Variants in PPP6R3 observed in about 807,000 individuals in gnomAD.
The protein encoded by PPP6R3 is protein phosphatase 6 regulatory subunit 3.
In PPP6R3, 38 loss-of-function variants were observed where a neutral mutation model predicts 110.7. That is an observed-to-expected ratio of 0.34 (90% CI 0.26 to 0.45). The LOEUF is 0.45. Ranked by LOEUF, PPP6R3 falls within the 20% of genes least tolerant of loss-of-function variation. The probability of loss-of-function intolerance (pLI) is 1.00; values close to 1 mark genes in which losing one functional copy is unlikely to be tolerated. For synonymous variants in PPP6R3, 369 were observed against 373.5 expected, an observed-to-expected ratio of 0.99 and a Z score of 0.14; for missense variants, 870 against 1,062.4, an observed-to-expected ratio of 0.82 and a Z score of 2.52.
chr11:68,514,481 T>C (rs2099126218), intron 1 of PPP6R3, among the ~76,000 whole-genome samples: 2 of 152,246 alleles, frequency 1.3e-5, no homozygotes, highest in Admixed American at 6.5e-5. Context: ...ACTTGAATTA[T>C]ACCTTGTATC....
intron 22 of PPP6R3, chr11:68,609,463 C>T (rs1362065474): frequency 1.1e-6 from 1 of 931,560 alleles, no homozygotes; most frequent in South Asian, 1.4e-5. Flanking sequence ...AGACTCATTC[C>T]TTCAAACAGG....
chr11:68,474,717 A>G (rs1232692294), intron 1 of PPP6R3, among the ~76,000 whole-genome samples: 3 of 152,072 alleles, frequency 2.0e-5, no homozygotes, highest in African/African-American at 4.8e-5. Context: ...TTTTTAAATT[A>G]CTTATTTGGA....
chr11:68,574,280 A>T, intron 13 of PPP6R3, 56 bp downstream of exon 13: 2 of 1,384,366 alleles, frequency 1.4e-6, no homozygotes, highest in Admixed American at 3.5e-5. Context: ...GAAGGATTTA[A>T]GGGTCAAGTA....
At position 68,576,057 on chromosome 11, in the gene PPP6R3, G is replaced by A. The variant is rs1421423669; in HGVS notation, c.1545+14G>A. ...ACGGTAGATCTAGTAGGTTTTACAA[G>A]GTTACATTTTTATTCTTTCAGTGCT... On this transcript the variant is annotated intron_variant, in intron 14 of 23. Transcript: ENST00000393800. 5 of 1,563,696 alleles carry A rather than the reference G, an allele frequency of 3.2e-6. No homozygotes were observed. Among genetic ancestry groups the A allele is most frequent in the Non-Finnish European group, 4.4e-6 (5 of 1,140,660 alleles).
Position 68,477,728 on chromosome 11 carries a change from TAAAAAA to T in PPP6R3, c.-158+16910_-158+16915del, listed in dbSNP as rs1181714569. Reference sequence around the variant, plus strand: ...AGAGACAGAGAGAGACATTGTCTCTTAAAAAAAAAAAAAATATATATATATATATAT... The same window carrying T: ...AGAGACAGAGAGAGACATTGTCTCTTAAAAAAAATATATATATATATATAT... On this transcript the variant is annotated intron_variant, in intron 1 of 23. Coordinates refer to ENST00000393800, the MANE Select transcript of PPP6R3 (RefSeq NM_001164161.2). 1.6e-4 allele frequency among the ~76,000 whole-genome samples: 12 copies of T among 77,410 alleles called. No individual in the cohort carries two copies. The South Asian group carries it at 4.1e-3, about 27-fold the overall frequency. The allele number at this position is 77,410 out of a possible 152,430, so 50.8% of individuals were successfully genotyped here.
intron 1 of PPP6R3, among the ~76,000 whole-genome samples, chr11:68,505,793 C>T (rs996153061): frequency 1.3e-5 from 2 of 152,098 alleles, no homozygotes; most frequent in African/African-American, 2.4e-5. Context: ...ACAGCTCAGC[C>T]GTAGAGTGTT....
At chr11:68,508,555 G>C (rs185942998) in intron 1 of PPP6R3, among the ~76,000 whole-genome samples, 1 of 152,106 alleles carries the variant, frequency 6.6e-6, no homozygotes, top group Non-Finnish European at 1.5e-5. Context: ...CAGTGCCAGC[G>C]CAAAAGGTTT....
chr11:68,551,515 A>T (rs1186967049), intron 6 of PPP6R3, among the ~76,000 whole-genome samples: 1 of 151,756 alleles, frequency 6.6e-6, no homozygotes, highest in African/African-American at 2.4e-5. Context: ...TTTGAGACGG[A>T]GTCTCCCTCT....
intron 2 of PPP6R3, among the ~76,000 whole-genome samples, chr11:68,522,061 T>C (rs1270511886): frequency 6.6e-6 from 1 of 152,252 alleles, no homozygotes; most frequent in Non-Finnish European, 1.5e-5. Context: ...TTGAGTATAT[T>C]CATTATTTGG....
rs140815733 is a variant in PPP6R3 at position 68,549,039 on chromosome 11, C to T, written c.552+835C>T. Among the ~76,000 whole-genome samples, 9 of 152,184 alleles carry T rather than the reference C, an allele frequency of 5.9e-5. No individual in the cohort carries two copies. The East Asian group carries it at 9.7e-4, about 16-fold the overall frequency. On this transcript the variant is annotated intron_variant, in intron 5 of 23. Coordinates refer to ENST00000393800, the MANE Select transcript of PPP6R3 (RefSeq NM_001164161.2). The stretch of plus-strand genomic sequence containing the variant: ...CTGAGTAGCTGGGATTATAGGTGTC[C>T]GCCACCACACCTGGCTAATTTTTGT...
chr11:68,480,093 C>G (rs562086965), intron 1 of PPP6R3, among the ~76,000 whole-genome samples: 17 of 151,840 alleles, frequency 1.1e-4, no homozygotes, highest in Admixed American at 5.9e-4. Flanking sequence ...TATTTCTCAC[C>G]TGCTTTTTCA....
intron 1 of PPP6R3, among the ~76,000 whole-genome samples, chr11:68,469,723 C>T (rs1255763005): frequency 6.6e-6 from 1 of 151,970 alleles, no homozygotes; most frequent in East Asian, 1.9e-4. Context: ...ACTATGAATT[C>T]AAAGAGTATA....
intron 14 of PPP6R3, among the ~76,000 whole-genome samples, chr11:68,581,524 C>G (rs553672257): frequency 6.6e-6 from 1 of 152,242 alleles, no homozygotes; most frequent in Non-Finnish European, 1.5e-5. Flanking sequence ...TGGGGTTACA[C>G]CCCTAAAACA....
chr11:68,539,200 C>T (rs1290968248), intron 3 of PPP6R3, among the ~76,000 whole-genome samples: 2 of 152,180 alleles, frequency 1.3e-5, no homozygotes, highest in South Asian at 2.1e-4. Context: ...TCAGAGAGCA[C>T]AGATTTTGGA....
Position 68,537,879 on chromosome 11 carries a change from A to T in PPP6R3, c.215A>T (p.Lys72Met). Residue 72 changes from lysine to methionine, a missense_variant, in exon 3 of 24, where the codon AAG becomes ATG. Coordinates refer to ENST00000393800, the MANE Select transcript of PPP6R3 (RefSeq NM_001164161.2). ...GAACCACCTCAAGACATGGATGAAA[A>T]GATCAGATACAAGTAAGACAATTCA... ...IEEPPQDMDE[K>M]IRYKYPNISC... 1 of 1,607,800 alleles carries T rather than the reference A, an allele frequency of 6.2e-7. No individual in the cohort carries two copies. The highest frequency in any genetic ancestry group is 8.5e-7 in the Non-Finnish European group (1 of 1,174,590).
At chr11:68,580,746 C>CTTTTTTTTTTT (rs71043441) in intron 14 of PPP6R3, among the ~76,000 whole-genome samples, 4 of 67,530 alleles carry the variant, frequency 5.9e-5, no homozygotes, top group African/African-American at 1.0e-4. Flanking sequence ...GGTAAATAAT[C>CTTTTTTTTTTT]TTTTTTTTTT....
At chr11:68,475,213 A>G (rs1322998702) in intron 1 of PPP6R3, among the ~76,000 whole-genome samples, 19 of 152,184 alleles carry the variant, frequency 1.2e-4, no homozygotes. Context: ...CACATGTTTC[A>G]GAGAGCACAG....
intron 19 of PPP6R3, among the ~76,000 whole-genome samples, chr11:68,598,673 T>C (rs1418670882): frequency 3.3e-5 from 5 of 152,180 alleles, no homozygotes; most frequent in Non-Finnish European, 7.3e-5. Context: ...TCATTTAAAA[T>C]GTTACACGGA....
intron 2 of PPP6R3, among the ~76,000 whole-genome samples, chr11:68,534,671 A>T (rs538871791): frequency 6.6e-6 from 1 of 152,226 alleles, no homozygotes; most frequent in African/African-American, 2.4e-5. Context: ...TAAGTGCTTG[A>T]TGCCAGATTC....
Sources: allele counts gnomAD v4.1 joint callset (sites outside exome capture counted in the v4.1 genomes callset), GRCh38; gene constraint gnomAD v4.1.1; transcripts MANE v1.5; gene names NCBI Gene and HGNC (gene_info 2026-07-23, HGNC 2026-07-21).